Variants in CTNND2 observed in about 807,000 individuals in gnomAD.
CTNND2 encodes the protein catenin delta-2.
Under a neutral mutation model 144.4 loss-of-function variants are expected in CTNND2, and 22 were observed. That is an observed-to-expected ratio of 0.15 (90% CI 0.11 to 0.22). CTNND2 has a LOEUF of 0.22. Among genes scored for constraint, CTNND2 ranks in the 10% least tolerant of loss-of-function variants. CTNND2 has a pLI of 1.00. For missense variants in CTNND2, 1,353 were observed against 1,618.8 expected, an observed-to-expected ratio of 0.84 and a Z score of 2.82; for synonymous variants, 751 against 695.6, an observed-to-expected ratio of 1.08 and a Z score of -1.25.
At chr5:11,259,424 G>A (rs1744628629) in intron 9 of CTNND2, among the ~76,000 whole-genome samples, 1 of 152,186 alleles carries the variant, frequency 6.6e-6, no homozygotes, top group African/African-American at 2.4e-5. Context: ...AGTTTCACCT[G>A]CCTGCACCAG....
intron 10 of CTNND2, among the ~76,000 whole-genome samples, chr5:11,229,135 C>T (rs942904031): frequency 3.8e-4 from 58 of 151,978 alleles, no homozygotes; most frequent in Admixed American, 2.5e-3. Context: ...TGCTGGTCAC[C>T]GGACATTTCT....
rs183153337 is a variant in CTNND2, at chr5:11,192,092, G to C, written c.1975+7356C>G. On this transcript the variant is annotated intron_variant, in intron 11 of 21. Transcript: ENST00000304623. Reference sequence around the variant, plus strand: ...TCAAACCATGATGCACCTGGAGACAGGCGCTGCCTCTGCTGCCAGTATCTA... The same window carrying C: ...TCAAACCATGATGCACCTGGAGACACGCGCTGCCTCTGCTGCCAGTATCTA... Among the ~76,000 whole-genome samples, 4 of 152,352 alleles carry C rather than the reference G, an allele frequency of 2.6e-5. No homozygotes were observed. The East Asian group carries it at 7.7e-4, about 29-fold the overall frequency.
At chr5:11,637,791 C>T (rs76209460) in intron 2 of CTNND2, among the ~76,000 whole-genome samples, 5,758 of 152,174 alleles carry the variant, frequency 0.038, 202 homozygotes, top group African/African-American at 0.097. Flanking sequence ...TTGATTTCTA[C>T]TACCTCCACT....
chr5:11,501,787 T>A (rs955832015), intron 3 of CTNND2, among the ~76,000 whole-genome samples: 1 of 151,524 alleles, frequency 6.6e-6, no homozygotes, highest in African/African-American at 2.4e-5. Flanking sequence ...GACGGGCAGA[T>A]CACAAGGTCG....
At chr5:11,658,410 G>C (rs1783021896) in intron 2 of CTNND2, among the ~76,000 whole-genome samples, 3 of 152,082 alleles carry the variant, frequency 2.0e-5, no homozygotes, top group Admixed American at 6.6e-5. Context: ...GAGATATTGT[G>C]AATAGCTCGG....
chr5:11,297,787 C>T (rs926190469), intron 9 of CTNND2, among the ~76,000 whole-genome samples: 1 of 152,114 alleles, frequency 6.6e-6, no homozygotes, highest in Non-Finnish European at 1.5e-5. Flanking sequence ...TATGAACCAA[C>T]ATATTCACGA....
Position 10,973,575 on chromosome 5 carries a change from TGTACTC to T in CTNND2, c.3550_3555del (p.Glu1184_Tyr1185del). On this transcript the variant is annotated inframe_deletion, in exon 22 of 22. Coordinates refer to ENST00000304623, the MANE Select transcript of CTNND2 (RefSeq NM_001332.4). This position sits in a 1 kb window ranked among gnomAD's most constrained non-coding sequence, Gnocchi z 5.6. ...GTGGACTTGAGACCCAGGTGCATGG[TGTACTC>T]GCTGGCGGGAGGGCGATGGTGGACC... 6.2e-7 allele frequency: 1 copy of T among 1,614,116 alleles called. No homozygotes were observed. Among genetic ancestry groups the T allele is most frequent in the Non-Finnish European group, 8.5e-7 (1 of 1,180,000 alleles).
intron 1 of CTNND2, among the ~76,000 whole-genome samples, chr5:11,784,954 C>T (rs549905162): frequency 6.6e-6 from 1 of 152,310 alleles, no homozygotes; most frequent in South Asian, 2.1e-4. Flanking sequence ...AAGCCACTAA[C>T]TTTGTGCTAA....
intron 9 of CTNND2, among the ~76,000 whole-genome samples, chr5:11,279,150 T>A (rs1746859405): frequency 6.6e-6 from 1 of 152,134 alleles, no homozygotes; most frequent in South Asian, 2.1e-4. Flanking sequence ...GATTGCTCGG[T>A]TCTATAGACA....
At chr5:11,767,719 C>G (rs949082226) in intron 1 of CTNND2, among the ~76,000 whole-genome samples, 2 of 152,116 alleles carry the variant, frequency 1.3e-5, no homozygotes, top group African/African-American at 4.8e-5. Context: ...TGGCCAAGCA[C>G]TGATGACCAC....
intron 16 of CTNND2, among the ~76,000 whole-genome samples, chr5:11,028,020 T>C (rs1448922097): frequency 6.6e-6 from 1 of 152,130 alleles, no homozygotes. Flanking sequence ...GAATGTTGAG[T>C]GGTGGTCTTA....
intron 2 of CTNND2, among the ~76,000 whole-genome samples, chr5:11,631,867 G>C (rs1356901846): frequency 1.3e-5 from 2 of 152,138 alleles, no homozygotes; most frequent in East Asian, 3.9e-4. Context: ...CAGAGCAAGA[G>C]TGCCAATCCA....
At chr5:10,996,339 G>A (rs1739343941) in intron 18 of CTNND2, among the ~76,000 whole-genome samples, 1 of 152,146 alleles carries the variant, frequency 6.6e-6, no homozygotes, top group East Asian at 1.9e-4. Flanking sequence ...GCTGTTGGGA[G>A]GATACTTCAC....
At chr5:11,139,039 C>T (rs1360483982) in intron 12 of CTNND2, among the ~76,000 whole-genome samples, 1 of 151,660 alleles carries the variant, frequency 6.6e-6, no homozygotes, top group African/African-American at 2.4e-5. Flanking sequence ...TGGCTCAATG[C>T]AACCTCTGCC....
chr5:10,981,928 G>T, intron 20 of CTNND2, 82 bp from the exon 21 acceptor site: 3 of 1,229,952 alleles, frequency 2.4e-6, no homozygotes, highest in Non-Finnish European at 2.4e-6. Context: ...GCAAGTTCTT[G>T]CCCTAACAAA....
At chr5:11,873,589 A>G (rs988125442) in intron 1 of CTNND2, among the ~76,000 whole-genome samples, 3 of 152,160 alleles carry the variant, frequency 2.0e-5, no homozygotes, top group African/African-American at 7.2e-5. Context: ...TGTATAAGTC[A>G]CCTCTCCGTT....
intron 14 of CTNND2, among the ~76,000 whole-genome samples, chr5:11,109,116 G>C (rs1249286653): frequency 6.6e-6 from 1 of 152,176 alleles, no homozygotes; most frequent in Non-Finnish European, 1.5e-5. Context: ...AAACGGACTA[G>C]AGAAACTAGC....
At chr5:11,430,973 G>A (rs1193141161) in intron 3 of CTNND2, among the ~76,000 whole-genome samples, 1 of 152,190 alleles carries the variant, frequency 6.6e-6, no homozygotes, top group Non-Finnish European at 1.5e-5. Flanking sequence ...GCAGTTTAAT[G>A]TGTCTGAATC....
At chr5:11,056,152 CT>C (rs1196596598) in intron 16 of CTNND2, among the ~76,000 whole-genome samples, 1 of 152,204 alleles carries the variant, frequency 6.6e-6, no homozygotes, top group East Asian at 1.9e-4. Context: ...TAAACAATGA[CT>C]TTTGTTTCTG....
Sources: gnomAD v4.1 joint callset for allele counts (sites outside exome capture counted in the v4.1 genomes callset) on GRCh38, gnomAD v4.1.1 for gene constraint, Gnocchi (gnomAD v3.1) non-coding constraint, MANE v1.5 for transcripts, NCBI Gene and HGNC (gene_info 2026-07-23, HGNC 2026-07-21) for gene names.